Variants in NRXN1 observed in about 807,000 individuals in gnomAD.
The protein encoded by NRXN1 is neurexin 1.
A neutral mutation model predicts 150.9 loss-of-function variants in NRXN1; 39 were observed. The observed-to-expected ratio is 0.26, with a 90% CI of 0.20 to 0.34. NRXN1 has a LOEUF of 0.34. NRXN1 is among the 10% of genes least tolerant of loss of function. The pLI is 1.00. For synonymous variants in NRXN1, 924 were observed against 757.0 expected (o/e 1.22, Z -3.62); for missense variants, 1,815 against 1,949.9 (o/e 0.93, Z 1.30).
rs998113062 is a variant in NRXN1, at chr2:49,919,696, A to C, written c.*2248T>G. The stretch of plus-strand genomic sequence containing the variant: ...AATTATTTAATGTGGCAAATTAAAA[A>C]AAATGAAAATCTAGAAAAGAAGCAA... On this transcript the variant is annotated 3_prime_UTR_variant, in exon 23 of 23. Transcript: ENST00000401669. 1 of 152,168 alleles carries C rather than the reference A, an allele frequency of 6.6e-6. No homozygotes were observed. The highest frequency in any genetic ancestry group is 2.4e-5 in the African/African-American group (1 of 41,454). The allele number at this position is 152,168 out of a possible 1,614,324, so 9.4% of individuals were successfully genotyped here.
chr2:50,210,532 G>C (rs1158453999), intron 18 of NRXN1, among the ~76,000 whole-genome samples: 3 of 151,798 alleles, frequency 2.0e-5, no homozygotes, highest in Non-Finnish European at 3.0e-5. Flanking sequence ...AATAATCACT[G>C]ATAGTGATCA....
intron 16 of NRXN1, among the ~76,000 whole-genome samples, chr2:50,467,430 G>C (rs961115229): frequency 2.0e-5 from 3 of 151,584 alleles, no homozygotes; most frequent in African/African-American, 7.2e-5. Flanking sequence ...ATGTAAAAGA[G>C]AGAGCCTCTG....
rs139787147 is a variant in NRXN1, at chr2:50,111,027, A to G, written c.3547-19533T>C. ...TTTTATTTGATTATTTAAAACTTTA[A>G]GGTGCAAATGGGTTCATTTTGGAGA... On this transcript the variant is annotated intron_variant, in intron 18 of 22. Coordinates refer to ENST00000401669, the MANE Select transcript of NRXN1 (RefSeq NM_001330078.2). Among the ~76,000 whole-genome samples, 310 of 152,254 alleles carry G rather than the reference A, an allele frequency of 2.0e-3. 1 individual carries two copies. The highest frequency in any genetic ancestry group is 7.3e-3 in the African/African-American group (302 of 41,548).
At chr2:51,004,466 T>C (rs1288666260) in intron 2 of NRXN1, among the ~76,000 whole-genome samples, 3 of 151,958 alleles carry the variant, frequency 2.0e-5, no homozygotes, top group Non-Finnish European at 4.4e-5. Flanking sequence ...TAAAAAGTTA[T>C]GACCATTTCA....
chr2:50,804,190 T>A (rs1040111628), intron 5 of NRXN1, among the ~76,000 whole-genome samples: 3 of 152,182 alleles, frequency 2.0e-5, no homozygotes, highest in Non-Finnish European at 4.4e-5. Context: ...ATTTTCAAAT[T>A]TTATTAATTG....
At chr2:50,302,782 A>G (rs1230477760) in intron 17 of NRXN1, among the ~76,000 whole-genome samples, 1 of 152,212 alleles carries the variant, frequency 6.6e-6, no homozygotes, top group Non-Finnish European at 1.5e-5. Flanking sequence ...TAAGACATTT[A>G]GGGTATCCCT....
intron 8 of NRXN1, among the ~76,000 whole-genome samples, chr2:50,606,174 G>C (rs529443437): frequency 6.6e-6 from 1 of 151,236 alleles, no homozygotes; most frequent in African/African-American, 2.4e-5. Context: ...GGTTGAACCC[G>C]GGAGGTGGAG....
intron 12 of NRXN1, among the ~76,000 whole-genome samples, chr2:50,524,917 G>A (rs935276005): frequency 3.9e-5 from 6 of 152,034 alleles, no homozygotes; most frequent in East Asian, 1.9e-4. Context: ...TGGATGTATC[G>A]TTTGGAATTA....
chr2:50,190,496 A>G (rs1019946598), intron 18 of NRXN1, among the ~76,000 whole-genome samples: 5 of 152,036 alleles, frequency 3.3e-5, no homozygotes, highest in Non-Finnish European at 7.4e-5. Context: ...CTAAGGCTTT[A>G]TTTGATAGCT....
chr2:50,979,382 C>T (rs760721764), intron 2 of NRXN1: 22 of 437,918 alleles, frequency 5.0e-5, no homozygotes, highest in Non-Finnish European at 4.1e-5. Context: ...GGAAACTTGC[C>T]AGTTTTCAGG....
chr2:49,996,169 G>A (rs1433400239), intron 21 of NRXN1, among the ~76,000 whole-genome samples: 2 of 152,144 alleles, frequency 1.3e-5, no homozygotes, highest in African/African-American at 2.4e-5. Context: ...AGAGTCATGA[G>A]AAGTATAAAT....
At chr2:49,956,076 T>C (rs779231563) in intron 21 of NRXN1, among the ~76,000 whole-genome samples, 5 of 152,286 alleles carry the variant, frequency 3.3e-5, no homozygotes, top group Non-Finnish European at 7.4e-5. Context: ...GTGTTCACAC[T>C]GTATATTCAA....
intron 2 of NRXN1, among the ~76,000 whole-genome samples, chr2:50,965,103 A>G (rs1693843677): frequency 6.6e-6 from 1 of 151,388 alleles, no homozygotes; most frequent in South Asian, 2.1e-4. Flanking sequence ...CAACCATTCT[A>G]TTCTTCCCTC....
intron 22 of NRXN1, among the ~76,000 whole-genome samples, chr2:49,940,641 C>G (rs1671822047): frequency 6.6e-6 from 1 of 152,182 alleles, no homozygotes; most frequent in African/African-American, 2.4e-5. Context: ...ATCATATAAA[C>G]TAAGAATTTC....
In NRXN1 at chr2:50,728,555, C is replaced by G. The variant is rs560571932; in HGVS notation, c.833-104940G>C. Among the ~76,000 whole-genome samples, 40 of 152,174 alleles carry G rather than the reference C, an allele frequency of 2.6e-4. No homozygotes were observed. In the South Asian group the frequency reaches 7.5e-3, roughly 28 times the overall value. ...TTGACATTAGTGTACCTTAATACAT[C>G]AATATGTTTTTGGTTTGATTATGTT... On this transcript the variant is annotated intron_variant, in intron 5 of 22. Transcript: ENST00000401669.
At position 50,580,956 on chromosome 2, in the gene NRXN1, T is replaced by C. The variant is rs542518468; in HGVS notation, c.1321-27931A>G. Among the ~76,000 whole-genome samples the C allele has an allele frequency of 1.2e-4, 19 of 152,210 alleles. No homozygotes were observed. In the South Asian group the frequency reaches 3.9e-3, roughly 32 times the overall value. On this transcript the variant is annotated intron_variant, in intron 8 of 22. Coordinates refer to ENST00000401669, the MANE Select transcript of NRXN1 (RefSeq NM_001330078.2). Reference sequence around the variant, plus strand: ...CATACACATGAGTAAATTACCTTAATCGAAGGTAATATAACCTTGAAAATG... The same window carrying C: ...CATACACATGAGTAAATTACCTTAACCGAAGGTAATATAACCTTGAAAATG...
chr2:50,786,380 C>T (rs1574471230), intron 5 of NRXN1, among the ~76,000 whole-genome samples: 1 of 152,118 alleles, frequency 6.6e-6, no homozygotes. Context: ...GCTTCATCCA[C>T]ACTCTCAGTA....
intron 17 of NRXN1, among the ~76,000 whole-genome samples, chr2:50,332,080 C>G (rs919067942): frequency 1.3e-5 from 2 of 152,058 alleles, no homozygotes; most frequent in Non-Finnish European, 2.9e-5. Context: ...CTTCAACATA[C>G]AGCAAATTTT....
intron 17 of NRXN1, among the ~76,000 whole-genome samples, chr2:50,257,740 ATAATT>A (rs1198252261): frequency 6.6e-6 from 1 of 152,098 alleles, no homozygotes; most frequent in Non-Finnish European, 1.5e-5. Context: ...GCAAAGAAAG[ATAATT>A]TAAAGAGTAT....
Sources: allele counts gnomAD v4.1 joint callset (sites outside exome capture counted in the v4.1 genomes callset), GRCh38; gene constraint gnomAD v4.1.1; transcripts MANE v1.5; gene names NCBI Gene and HGNC (gene_info 2026-07-23, HGNC 2026-07-21).